CSF2RA: variants seen among roughly 807,000 people sequenced by gnomAD.
CSF2RA encodes the protein granulocyte-macrophage colony-stimulating factor receptor subunit alpha.
Under a neutral mutation model 51.6 loss-of-function variants are expected in CSF2RA, and 42 were observed. That is an observed-to-expected ratio of 0.81 (90% CI 0.64 to 1.05). CSF2RA has a LOEUF of 1.05. Among genes scored for constraint, CSF2RA ranks in the 50% least tolerant of loss-of-function variants. The probability of loss-of-function intolerance (pLI) is 0.00; values close to 1 mark genes in which losing one functional copy is unlikely to be tolerated. For missense variants in CSF2RA, 530 were observed against 501.1 expected (o/e 1.06, Z -0.55); for synonymous variants, 222 against 193.0 (o/e 1.15, Z -1.24).
chrX:1,284,600 ATTT>A (rs756926364), intron 3 of CSF2RA, among the ~76,000 whole-genome samples: 1 of 103,120 alleles, frequency 9.7e-6, no homozygotes, highest in African/African-American at 3.8e-5. Flanking sequence ...GCTAATTTAA[ATTT>A]TTTTTTTTTT....
chrX:1,279,246 A>T lies in CSF2RA; in HGVS notation c.-26-3432A>T, dbSNP rs1234929290. On this transcript the variant is annotated intron_variant, in intron 2 of 12. Coordinates refer to ENST00000381529, the MANE Select transcript of CSF2RA (RefSeq NM_172245.4). ...CGTGCCTGTAGTCCCAGCTACTCGG[A>T]GGCTGAGGCAGTAGAATGGCTTCAA... 2.6e-5 allele frequency among the ~76,000 whole-genome samples: 4 copies of T among 151,028 alleles called. No individual in the cohort carries two copies. The Admixed American group carries it at 2.7e-4, about 10-fold the overall frequency.
At chrX:1,317,447 C>G in the CSF2RA span, among the ~76,000 whole-genome samples, 1 of 148,154 alleles carries the variant, frequency 6.7e-6, no homozygotes, top group African/African-American at 2.5e-5. Flanking sequence ...GACGGGCTTT[C>G]TCCACATCAG....
chrX:1,303,578 G>T (rs1381091680), intron 10 of CSF2RA, among the ~76,000 whole-genome samples: 4 of 152,024 alleles, frequency 2.6e-5, no homozygotes, highest in Non-Finnish European at 5.9e-5. Flanking sequence ...GTTTCACCAT[G>T]TTGGTCAGGC....
chrX:1,287,442 G>A lies in CSF2RA; in HGVS notation c.220-1077G>A, dbSNP rs111724206. 2.6e-3 allele frequency among the ~76,000 whole-genome samples: 368 copies of A among 139,266 alleles called. 4 individuals are homozygous for A. Among genetic ancestry groups the A allele is most frequent in the African/African-American group, 9.2e-3 (339 of 36,860 alleles). 91.4% of individuals were successfully genotyped at this position (139,266 alleles called of 152,430 possible). A position where few individuals can be genotyped will look rare whatever the true frequency, so the allele number is the denominator to read the frequency against. ...GCTGGCATTACAGGTGTGAGCCACCGTGTCCGACCTTTATTTTTTGGGATG... is the reference window on the plus strand; with the variant it reads ...GCTGGCATTACAGGTGTGAGCCACCATGTCCGACCTTTATTTTTTGGGATG... On this transcript the variant is annotated intron_variant, in intron 4 of 12. Coordinates refer to ENST00000381529, the MANE Select transcript of CSF2RA (RefSeq NM_172245.4).
the CSF2RA span, among the ~76,000 whole-genome samples, chrX:1,316,973 C>T: frequency 1.3e-5 from 2 of 152,062 alleles, no homozygotes; most frequent in Non-Finnish European, 2.9e-5. Flanking sequence ...TTGAGACGGA[C>T]TCTCACTCTG....
intron 1 of CSF2RA, among the ~76,000 whole-genome samples, chrX:1,273,371 G>A: frequency 6.6e-6 from 1 of 152,084 alleles, no homozygotes; most frequent in Middle Eastern, 3.4e-3. Context: ...GAGTGCAGTG[G>A]TGCAATCTTG....
chrX:1,269,413 C>G (rs28419532), intron 1 of CSF2RA, among the ~76,000 whole-genome samples: 45,138 of 150,650 alleles, frequency 0.3, 7,457 homozygotes, highest in East Asian at 0.56. Flanking sequence ...CTGAGGTCGA[C>G]AGTTCGAGAC....
chrX:1,305,679 G>C lies in CSF2RA; in HGVS notation c.1125+152G>C, dbSNP rs768584409. On this transcript the variant is annotated intron_variant, in intron 12 of 12. Coordinates refer to ENST00000381529, the MANE Select transcript of CSF2RA (RefSeq NM_172245.4). Reference sequence around the variant, plus strand: ...TGGCTGGAATCTGTATCCCACTCCTGGGCCTTCTCCCGGGTCGGGGTCTTC... The same window carrying C: ...TGGCTGGAATCTGTATCCCACTCCTCGGCCTTCTCCCGGGTCGGGGTCTTC... 8.8e-6 allele frequency: 14 copies of C among 1,585,760 alleles called. No homozygotes were observed. The South Asian group carries it at 1.6e-4, about 18-fold the overall frequency.
chrX:1,280,118 T>G (rs1431861235), intron 2 of CSF2RA, among the ~76,000 whole-genome samples: 1 of 151,922 alleles, frequency 6.6e-6, no homozygotes, highest in African/African-American at 2.4e-5. Flanking sequence ...GAGAGGAGGT[T>G]TGGAGCAGGA....
intron 1 of CSF2RA, 126 bp downstream of exon 1, chrX:1,269,005 C>T (rs1198674891): frequency 5.3e-5 from 21 of 394,922 alleles, no homozygotes; most frequent in Admixed American, 4.2e-4. Context: ...AACGTTGGCT[C>T]GAGCCGAAGT....
chrX:1,304,662 GTTTT>G (rs1338160945), intron 11 of CSF2RA, among the ~76,000 whole-genome samples: 21 of 140,266 alleles, frequency 1.5e-4, no homozygotes, highest in African/African-American at 4.0e-4. Context: ...TTGTTTGTTT[GTTTT>G]TTTGTTTTTT....
intron 2 of CSF2RA, among the ~76,000 whole-genome samples, chrX:1,280,378 G>T (rs759950673): frequency 6.6e-6 from 1 of 151,452 alleles, no homozygotes; most frequent in African/African-American, 2.4e-5. Context: ...GGCCGAGGCA[G>T]GAGAATCGCT....
At chrX:1,322,142 G>A in the CSF2RA span, among the ~76,000 whole-genome samples, 3 of 149,964 alleles carry the variant, frequency 2.0e-5, no homozygotes, top group Non-Finnish European at 4.4e-5. Flanking sequence ...GTCTCACTCT[G>A]TTACCCAGGC....
chrX:1,290,084 T>C (rs2091245858), intron 6 of CSF2RA, among the ~76,000 whole-genome samples: 4 of 151,838 alleles, frequency 2.6e-5, no homozygotes, highest in Admixed American at 6.6e-5. Context: ...TGTGTTTTTG[T>C]GTTTTGTTTT....
downstream of CSF2RA, among the ~76,000 whole-genome samples, chrX:1,315,338 G>C (rs1480437947): frequency 6.6e-6 from 1 of 152,090 alleles, no homozygotes; most frequent in Non-Finnish European, 1.5e-5. Context: ...ATAGGTAACA[G>C]ATAATAGCTA....
chrX:1,299,345 T>C (rs1276256376), intron 9 of CSF2RA, among the ~76,000 whole-genome samples: 4 of 152,212 alleles, frequency 2.6e-5, no homozygotes, highest in African/African-American at 9.7e-5. Context: ...TATGCTAGAC[T>C]TGGGGATCTT....
the CSF2RA span, among the ~76,000 whole-genome samples, chrX:1,315,541 T>C: frequency 1.3e-5 from 2 of 152,174 alleles, no homozygotes; most frequent in Middle Eastern, 3.4e-3. Context: ...GTAGCTGAGA[T>C]TACACGTGTG....
rs148928173 is a variant in CSF2RA, at chrX:1,288,773, G to C, written c.358G>C (p.Ala120Pro). Reference protein sequence around the residue: ...LYPNSGREGTAAQNFSCFIYN... With the variant: ...LYPNSGREGTPAQNFSCFIYN... ...CCTCTTCCCAGGAAGGGAGGGTACC[G>C]CTGCTCAGAATTTCTCCTGTTTCAT... is the stretch of plus-strand genomic sequence containing the variant. The change falls in exon 6 of 13, where the codon GCT becomes CCT. Residue 120 changes from alanine (A) to proline (P), a missense_variant. By Grantham distance (27) the Ala-to-Pro change is conservative. Coordinates refer to ENST00000381529, the MANE Select transcript of CSF2RA (RefSeq NM_172245.4). The C allele has an allele frequency of 6.2e-7, 1 of 1,613,878 alleles. No homozygotes were observed. The highest frequency in any genetic ancestry group is 1.3e-5 in the African/African-American group (1 of 75,006).
chrX:1,292,424 G>A (rs1193012334), intron 7 of CSF2RA, among the ~76,000 whole-genome samples: 56 of 152,124 alleles, frequency 3.7e-4, no homozygotes, highest in Non-Finnish European at 5.7e-4. Flanking sequence ...AGCATACGGA[G>A]GACCTGCACC....
Sources: gnomAD v4.1 joint callset for allele counts (sites outside exome capture counted in the v4.1 genomes callset) on GRCh38, gnomAD v4.1.1 for gene constraint, MANE v1.5 for transcripts, NCBI Gene and HGNC (gene_info 2026-07-23, HGNC 2026-07-21) for gene names.